The following NUP133 variants were observed in gnomAD, a reference collection of about 807,000 sequenced individuals.
The protein encoded by NUP133 is nuclear pore complex protein Nup133.
A neutral mutation model predicts 146.2 loss-of-function variants in NUP133; 66 were observed. That is an observed-to-expected ratio of 0.45 (90% CI 0.37 to 0.55). NUP133 has a LOEUF of 0.55. Ranked by LOEUF, NUP133 falls within the 20% of genes least tolerant of loss-of-function variation. The pLI is 0.00. For synonymous variants in NUP133, 521 were observed against 498.8 expected, an observed-to-expected ratio of 1.04 and a Z score of -0.59; for missense variants, 1,277 against 1,374.8, an observed-to-expected ratio of 0.93 and a Z score of 1.12.
chr1:229,470,752 G>A lies in NUP133; in HGVS notation c.1904C>T (p.Ala635Val), dbSNP rs758111328. 1 of 1,614,204 alleles carries A rather than the reference G, an allele frequency of 6.2e-7. No homozygotes were observed. The highest frequency in any genetic ancestry group is 8.5e-7 in the Non-Finnish European group (1 of 1,180,048). Residue 635 changes from alanine to valine, a missense_variant, in exon 15 of 26, where the codon GCC (alanine) becomes GTC (valine). Ala to Val is a moderately conservative substitution (Grantham distance 64). Transcript: ENST00000261396. ...ATGCTCACAGAGCAACAGTCGAGTG[G>A]CCATCGGTGTCCCTCTAACTGGAAA... ...GSFPVRGTPM[A>V]TRLLLCEHAE...
At chr1:229,480,878 AG>A (rs1319911240) in intron 12 of NUP133, among the ~76,000 whole-genome samples, 1 of 149,076 alleles carries the variant, frequency 6.7e-6, no homozygotes, top group East Asian at 1.9e-4. Flanking sequence ...TTTTTTAAGA[AG>A]AGACAAGGTT....
intron 2 of NUP133, 101 bp from the exon 3 acceptor site, chr1:229,502,203 C>T: frequency 1.3e-6 from 1 of 776,292 alleles, no homozygotes; most frequent in Non-Finnish European, 2.2e-6. Context: ...GAAACGACTA[C>T]CTCACAACAA....
intron 12 of NUP133, among the ~76,000 whole-genome samples, chr1:229,481,851 A>C (rs772705455): frequency 3.9e-5 from 6 of 151,998 alleles, no homozygotes; most frequent in Non-Finnish European, 8.8e-5. Flanking sequence ...TTTCAGAGGG[A>C]GGGCCCTGCT....
At chr1:229,491,975 T>C (rs12125978) in intron 8 of NUP133, among the ~76,000 whole-genome samples, 28,463 of 152,166 alleles carry the variant, frequency 0.19, 2,873 homozygotes, top group Middle Eastern at 0.25. Context: ...CAAACTGCTA[T>C]ATATGTAAAA....
intron 25 of NUP133, among the ~76,000 whole-genome samples, chr1:229,444,706 G>C (rs1660264315): frequency 6.6e-6 from 1 of 151,858 alleles, no homozygotes. Flanking sequence ...AATTAGCCAG[G>C]CATGGTAGCA....
chr1:229,499,053 T>C, intron 5 of NUP133: 3 of 405,572 alleles, frequency 7.4e-6, no homozygotes, highest in South Asian at 3.6e-5. Context: ...CACACACCAC[T>C]ATGCCCAGAT....
chr1:229,457,518 TATA>T (rs1660596945), intron 21 of NUP133, among the ~76,000 whole-genome samples: 1 of 152,198 alleles, frequency 6.6e-6, no homozygotes, highest in African/African-American at 2.4e-5. Flanking sequence ...ACCTCTAGAT[TATA>T]ATACCTCATA....
At chr1:229,504,430 C>T (rs1389694330) in intron 2 of NUP133, among the ~76,000 whole-genome samples, 1 of 152,198 alleles carries the variant, frequency 6.6e-6, no homozygotes, top group East Asian at 1.9e-4. Flanking sequence ...GAACTTTGCT[C>T]TTCCAGTGTC....
chr1:229,447,060 G>T (rs371375856), intron 24 of NUP133, among the ~76,000 whole-genome samples: 3 of 150,958 alleles, frequency 2.0e-5, no homozygotes, highest in South Asian at 4.2e-4. Context: ...GGAGGCGGAG[G>T]TTGTGGTGAG....
At chr1:229,446,640 G>A (rs980296064) in intron 24 of NUP133, among the ~76,000 whole-genome samples, 7 of 150,408 alleles carry the variant, frequency 4.7e-5, no homozygotes, top group African/African-American at 1.2e-4. Context: ...AGGCTGAGGC[G>A]GGAGAATGGC....
chr1:229,458,345 G>T, intron 20 of NUP133, 49 bp from the exon 21 acceptor site: 1 of 1,573,622 alleles, frequency 6.4e-7, no homozygotes, highest in Non-Finnish European at 8.7e-7. Flanking sequence ...ACCAATTCAA[G>T]CTGAAACAAA....
intron 2 of NUP133, among the ~76,000 whole-genome samples, chr1:229,505,261 C>T (rs79424720): frequency 0.011 from 1,677 of 152,162 alleles, 11 homozygotes; most frequent in Non-Finnish European, 0.017. Context: ...AAACGAAGTA[C>T]AAGAGTAGTG....
intron 6 of NUP133, among the ~76,000 whole-genome samples, chr1:229,496,767 A>G (rs1313321557): frequency 6.6e-6 from 1 of 152,172 alleles, no homozygotes; most frequent in African/African-American, 2.4e-5. Context: ...GGCTCATTTG[A>G]GCTCAGGAGC....
intron 10 of NUP133, 30 bp downstream of exon 10, chr1:229,487,436 C>A (rs1444866145): frequency 1.2e-6 from 2 of 1,600,168 alleles, no homozygotes; most frequent in Non-Finnish European, 1.7e-6. Flanking sequence ...ATGAGCTCAC[C>A]AATCATGCTT....
At position 229,458,301 on chromosome 1, in the gene NUP133, A is replaced by G. The variant is rs760655841; in HGVS notation, c.2845-5T>C. On this transcript the variant is annotated splice_region_variant and splice_polypyrimidine_tract_variant and intron_variant, in intron 20 of 25. Coordinates refer to ENST00000261396, the MANE Select transcript of NUP133 (RefSeq NM_018230.3). ...ACCCAGAAGTGTTGCATGAGCCTAC[A>G]ATAAAATATGCAAACCATCGTAAGA... 2.4e-5 allele frequency: 39 copies of G among 1,611,060 alleles called. No homozygotes were observed. The highest frequency in any genetic ancestry group is 2.9e-5 in the Non-Finnish European group (34 of 1,178,592).
chr1:229,495,942 T>C lies in NUP133; in HGVS notation c.925A>G (p.Ser309Gly). 1 of 1,611,164 alleles carries C rather than the reference T, an allele frequency of 6.2e-7. No individual in the cohort carries two copies. The highest frequency in any genetic ancestry group is 1.3e-5 in the African/African-American group (1 of 74,882). Reference protein sequence around the residue: ...LDDSSEKHAYSWDINRALKEN... With the variant: ...LDDSSEKHAYGWDINRALKEN... ...TTCAGGGCTCTATTTATATCCCAAC[T>C]GTATGCATGCTTTTCTGAAGAATCA... Residue 309 changes from serine (S) to glycine (G), a missense_variant, in exon 7 of 26, where the codon AGT becomes GGT. By Grantham distance (56) the Ser-to-Gly change is moderately conservative (BLOSUM62 0). Around this residue, in one of 3 missense-constraint regions of NUP133, gnomAD observed 952 missense variants for 1,047.0 expected, o/e 0.91. Transcript: ENST00000261396.
chr1:229,498,849 C>T (rs1324443683), intron 5 of NUP133, among the ~76,000 whole-genome samples: 1 of 150,442 alleles, frequency 6.6e-6, no homozygotes, highest in Non-Finnish European at 1.5e-5. Context: ...CATCATATTT[C>T]AGATTCAACA....
intron 23 of NUP133, among the ~76,000 whole-genome samples, chr1:229,449,576 G>A (rs1571905246): frequency 6.6e-6 from 1 of 151,388 alleles, no homozygotes; most frequent in East Asian, 1.9e-4. Flanking sequence ...TCAGCATGTT[G>A]GCCAGACTGG....
intron 10 of NUP133, 75 bp from the exon 11 acceptor site, chr1:229,486,603 G>T: frequency 7.2e-7 from 1 of 1,383,870 alleles, no homozygotes; most frequent in Non-Finnish European, 9.9e-7. Flanking sequence ...ACCACCCTAA[G>T]CAGAAAATCA....
Sources: allele counts gnomAD v4.1 joint callset (sites outside exome capture counted in the v4.1 genomes callset), GRCh38; gene constraint gnomAD v4.1.1; regional missense constraint gnomAD v4.1.1; transcripts MANE v1.5; gene names NCBI Gene and HGNC (gene_info 2026-07-23, HGNC 2026-07-21).